Variants in PTPRD observed in about 807,000 individuals in gnomAD.
The protein encoded by PTPRD is receptor-type tyrosine-protein phosphatase delta.
In PTPRD, 34 loss-of-function variants were observed where a neutral mutation model predicts 214.5. The ratio of observed to expected loss-of-function variants is 0.16; its 90% confidence interval spans 0.12 to 0.21. PTPRD has a LOEUF of 0.21. Ranked by LOEUF, PTPRD falls within the 10% of genes least tolerant of loss-of-function variation. The pLI is 1.00. For missense variants in PTPRD, 2,545 were observed against 2,398.7 expected (o/e 1.06, Z -1.27); for synonymous variants, 1,128 against 845.7 (o/e 1.33, Z -5.79).
Position 8,469,340 on chromosome 9 carries a change from A to G in PTPRD, c.3504+1655T>C, listed in dbSNP as rs150857308. The stretch of plus-strand genomic sequence containing the variant: ...TACTTCTAAGGAAAGCTTATTAGTT[A>G]AAACTATTTGATGTCATTCTGGCTT... On this transcript the variant is annotated intron_variant, in intron 31 of 45. Coordinates refer to ENST00000381196, the MANE Select transcript of PTPRD (RefSeq NM_002839.4). Among the ~76,000 whole-genome samples the G allele has an allele frequency of 1.1e-4, 16 of 152,198 alleles. No individual in the cohort carries two copies. In the East Asian group the frequency reaches 2.9e-3, roughly 28 times the overall value.
intron 7 of PTPRD, among the ~76,000 whole-genome samples, chr9:9,616,941 A>G (rs1047606048): frequency 4.6e-5 from 7 of 152,122 alleles, no homozygotes; most frequent in Admixed American, 2.6e-4. Flanking sequence ...ATTATGGTCA[A>G]TTTTAAAATA....
intron 3 of PTPRD, among the ~76,000 whole-genome samples, chr9:10,235,641 C>T (rs1270221892): frequency 6.6e-6 from 1 of 151,978 alleles, no homozygotes; most frequent in African/African-American, 2.4e-5. Context: ...CATTTATGAG[C>T]TCTTGGCATT....
Position 10,449,776 on chromosome 9 carries a change from C to T in PTPRD, c.-599-108759G>A, listed in dbSNP as rs570073055. Among the ~76,000 whole-genome samples, 176 of 151,764 alleles carry T rather than the reference C, an allele frequency of 1.2e-3. 4 individuals are homozygous for T. The highest frequency in any genetic ancestry group is 3.4e-3 in the Admixed American group (52 of 15,278). On this transcript the variant is annotated intron_variant, in intron 2 of 45. Transcript: ENST00000381196. Reference sequence around the variant, plus strand: ...GCTCATTGAGAACGGGCCATGATGACGATGGCGGTTTTGTCGAATAGAAAA... The same window carrying T: ...GCTCATTGAGAACGGGCCATGATGATGATGGCGGTTTTGTCGAATAGAAAA...
chr9:9,612,373 A>T (rs1593013339), intron 7 of PTPRD, among the ~76,000 whole-genome samples: 3 of 152,174 alleles, frequency 2.0e-5, no homozygotes, highest in South Asian at 2.1e-4. Context: ...GCTGCTGGGC[A>T]TATTTCAAAT....
intron 10 of PTPRD, among the ~76,000 whole-genome samples, chr9:9,127,166 T>A (rs567267205): frequency 1.3e-5 from 2 of 152,250 alleles, no homozygotes; most frequent in African/African-American, 4.8e-5. Flanking sequence ...CTGACTCACC[T>A]CATGTGCACT....
At chr9:9,418,846 A>C (rs2077763628) in intron 8 of PTPRD, among the ~76,000 whole-genome samples, 1 of 151,988 alleles carries the variant, frequency 6.6e-6, no homozygotes, top group African/African-American at 2.4e-5. Context: ...AAGAGAAGAA[A>C]TGATTAATTT....
At chr9:10,013,421 A>T (rs1404067987) in intron 4 of PTPRD, among the ~76,000 whole-genome samples, 1 of 151,960 alleles carries the variant, frequency 6.6e-6, no homozygotes, top group Non-Finnish European at 1.5e-5. Context: ...CATATTTTTT[A>T]AACACTTAAG....
intron 3 of PTPRD, among the ~76,000 whole-genome samples, chr9:10,155,512 C>T (rs1365391608): frequency 1.3e-5 from 2 of 152,132 alleles, no homozygotes; most frequent in Non-Finnish European, 2.9e-5. Context: ...GAGAGGGACT[C>T]CTTGTCTTGT....
chr9:9,794,031 G>A lies in PTPRD; in HGVS notation c.-367-27180C>T, dbSNP rs140528462. ...CATGTATTGATCTTTTGTCCTACGCGAGGCATTAAGCTAGGTTAAAAAATA... is the reference window on the plus strand; with the variant it reads ...CATGTATTGATCTTTTGTCCTACGCAAGGCATTAAGCTAGGTTAAAAAATA... On this transcript the variant is annotated intron_variant, in intron 5 of 45. Coordinates refer to ENST00000381196, the MANE Select transcript of PTPRD (RefSeq NM_002839.4). Among the ~76,000 whole-genome samples the A allele has an allele frequency of 4.6e-5, 7 of 152,008 alleles. No individual in the cohort carries two copies. In the East Asian group the frequency reaches 9.7e-4, roughly 21 times the overall value.
chr9:8,881,402 T>C (rs1000253457), intron 11 of PTPRD, among the ~76,000 whole-genome samples: 1 of 152,214 alleles, frequency 6.6e-6, no homozygotes, highest in Non-Finnish European at 1.5e-5. Flanking sequence ...ATATTAGGCT[T>C]TATTCAAGTT....
intron 3 of PTPRD, among the ~76,000 whole-genome samples, chr9:10,077,867 C>CATTT (rs2098160481): frequency 6.6e-6 from 1 of 151,750 alleles, no homozygotes; most frequent in African/African-American, 2.4e-5. Context: ...GTGGAATCGG[C>CATTT]ATTTTTAAAT....
chr9:9,701,392 C>T (rs2154412506), intron 7 of PTPRD, among the ~76,000 whole-genome samples: 1 of 152,254 alleles, frequency 6.6e-6, no homozygotes, highest in South Asian at 2.1e-4. Context: ...AGCAGAGAAA[C>T]TGGAGACAGG....
intron 11 of PTPRD, chr9:8,858,131 C>G (rs1448313345): frequency 6.2e-6 from 1 of 162,184 alleles, no homozygotes; most frequent in African/African-American, 2.4e-5. Context: ...CCTCCCGCTC[C>G]TCGATGCTCC....
At chr9:9,775,173 A>C (rs1490363019) in intron 5 of PTPRD, among the ~76,000 whole-genome samples, 1 of 152,206 alleles carries the variant, frequency 6.6e-6, no homozygotes, top group East Asian at 1.9e-4. Flanking sequence ...TGCATTAATA[A>C]TCGAATCCCA....
intron 3 of PTPRD, among the ~76,000 whole-genome samples, chr9:10,214,364 C>T (rs2099530996): frequency 6.6e-6 from 1 of 151,704 alleles, no homozygotes. Context: ...GCAACCTCTA[C>T]CTCCTGGGTT....
intron 14 of PTPRD, among the ~76,000 whole-genome samples, chr9:8,620,736 A>C (rs918952755): frequency 2.0e-5 from 3 of 151,972 alleles, no homozygotes; most frequent in Non-Finnish European, 2.9e-5. Flanking sequence ...AAATAGTACC[A>C]AGATGTTCTC....
At chr9:9,226,972 G>T (rs771209476) in intron 9 of PTPRD, among the ~76,000 whole-genome samples, 39 of 152,158 alleles carry the variant, frequency 2.6e-4, no homozygotes, top group African/African-American at 5.8e-4. Flanking sequence ...CAACCAAAAA[G>T]ATGATAGATA....
At chr9:9,034,898 C>G (rs1265849382) in intron 10 of PTPRD, among the ~76,000 whole-genome samples, 1 of 152,108 alleles carries the variant, frequency 6.6e-6, no homozygotes, top group Non-Finnish European at 1.5e-5. Context: ...CATATGGTGC[C>G]TTTCTCTGAA....
intron 9 of PTPRD, among the ~76,000 whole-genome samples, chr9:9,192,332 C>A (rs2099935757): frequency 6.6e-6 from 1 of 152,068 alleles, no homozygotes; most frequent in South Asian, 2.1e-4. Context: ...CACTAGCTAT[C>A]TTGTGACAAT....
Sources: allele counts gnomAD v4.1 joint callset (sites outside exome capture counted in the v4.1 genomes callset), GRCh38; gene constraint gnomAD v4.1.1; transcripts MANE v1.5; gene names NCBI Gene and HGNC (gene_info 2026-07-23, HGNC 2026-07-21).